STXBP6: variants seen among roughly 807,000 people sequenced by gnomAD.
The protein encoded by STXBP6 is syntaxin-binding protein 6.
STXBP6 carries 21 observed loss-of-function variants against 26.9 expected under a neutral mutation model. The ratio of observed to expected loss-of-function variants is 0.78; its 90% CI spans 0.55 to 1.12. STXBP6 has a LOEUF of 1.12. STXBP6 is among the 50% of genes most tolerant of loss of function. The pLI is 0.00. For synonymous variants in STXBP6, 97 were observed against 92.6 expected (o/e 1.05, Z -0.27); for missense variants, 232 against 257.9 (o/e 0.90, Z 0.69).
intron 1 of STXBP6, among the ~76,000 whole-genome samples, chr14:25,024,253 G>A (rs1333938439): frequency 1.3e-5 from 2 of 151,876 alleles, no homozygotes; most frequent in Middle Eastern, 3.4e-3. Flanking sequence ...AGGTTGCAGT[G>A]AGCCGAGATT....
chr14:24,943,797 A>C (rs2072886318), intron 2 of STXBP6, among the ~76,000 whole-genome samples: 1 of 152,236 alleles, frequency 6.6e-6, no homozygotes, highest in Admixed American at 6.5e-5. Flanking sequence ...TAAATCACTA[A>C]AAATTTTGAA....
At chr14:24,830,067 A>C (rs1352017004) in intron 4 of STXBP6, among the ~76,000 whole-genome samples, 2 of 152,070 alleles carry the variant, frequency 1.3e-5, no homozygotes, top group Admixed American at 6.6e-5. Context: ...AAGATTTGAA[A>C]GGGGAAAACC....
chr14:24,959,922 CAG>C (rs1323408538), intron 2 of STXBP6, among the ~76,000 whole-genome samples: 2 of 152,206 alleles, frequency 1.3e-5, no homozygotes, highest in Non-Finnish European at 2.9e-5. Context: ...GACCTCATAA[CAG>C]TGTACTAAAA....
At chr14:24,874,797 C>T (rs569204218) in intron 2 of STXBP6, among the ~76,000 whole-genome samples, 15 of 152,172 alleles carry the variant, frequency 9.9e-5, no homozygotes, top group South Asian at 4.2e-4. Context: ...CAGCACTACA[C>T]GGTGGCTCTT....
chr14:24,934,030 C>T (rs375159898), intron 2 of STXBP6, among the ~76,000 whole-genome samples: 13 of 151,612 alleles, frequency 8.6e-5, no homozygotes, highest in Non-Finnish European at 1.8e-4. Flanking sequence ...GCAGAAAATA[C>T]CAAAATTGAA....
At chr14:24,949,312 T>G (rs1315704893) in intron 2 of STXBP6, among the ~76,000 whole-genome samples, 1 of 152,142 alleles carries the variant, frequency 6.6e-6, no homozygotes, top group Non-Finnish European at 1.5e-5. Context: ...CTTCCCAAGT[T>G]TAAAGTTTTT....
chr14:24,927,515 A>T (rs2072221182), intron 2 of STXBP6, among the ~76,000 whole-genome samples: 1 of 152,254 alleles, frequency 6.6e-6, no homozygotes, highest in Non-Finnish European at 1.5e-5. Context: ...AATATCACTC[A>T]AATCTAGATT....
At chr14:24,966,016 C>A (rs2073722418) in intron 2 of STXBP6, among the ~76,000 whole-genome samples, 1 of 152,222 alleles carries the variant, frequency 6.6e-6, no homozygotes, top group African/African-American at 2.4e-5. Flanking sequence ...CTAACCACCA[C>A]TTGCTCTACC....
chr14:25,025,694 G>T (rs2075337395), intron 1 of STXBP6, among the ~76,000 whole-genome samples: 1 of 152,118 alleles, frequency 6.6e-6, no homozygotes, highest in Admixed American at 6.5e-5. Context: ...AAAATCTTTT[G>T]CAAATCTGAA....
chr14:24,953,583 C>A (rs1190788887), intron 2 of STXBP6, among the ~76,000 whole-genome samples: 1 of 152,230 alleles, frequency 6.6e-6, no homozygotes, highest in Non-Finnish European at 1.5e-5. Flanking sequence ...CAGTTTGTCA[C>A]TCGCTTTCTA....
intron 1 of STXBP6, among the ~76,000 whole-genome samples, chr14:25,010,309 G>A (rs573706445): frequency 2.7e-4 from 41 of 152,266 alleles, no homozygotes; most frequent in Admixed American, 8.5e-4. Context: ...CTTCTTCTCC[G>A]GTAAACCTAT....
intron 1 of STXBP6, among the ~76,000 whole-genome samples, chr14:24,998,987 C>T (rs2074679285): frequency 6.6e-6 from 1 of 152,050 alleles, no homozygotes; most frequent in Non-Finnish European, 1.5e-5. Context: ...AACACATATC[C>T]CTTCAAGTTA....
chr14:24,993,295 A>G (rs1338380452), intron 1 of STXBP6, among the ~76,000 whole-genome samples: 1 of 152,158 alleles, frequency 6.6e-6, no homozygotes, highest in Non-Finnish European at 1.5e-5. Flanking sequence ...CTCAGTAAAC[A>G]GCACCACTAT....
chr14:24,942,048 C>T (rs562423533), intron 2 of STXBP6, among the ~76,000 whole-genome samples: 33 of 151,906 alleles, frequency 2.2e-4, no homozygotes, highest in African/African-American at 7.2e-4. Flanking sequence ...GGTGAACTGC[C>T]GAGAAAAGAG....
At chr14:24,949,808 C>G (rs1409682320) in intron 2 of STXBP6, among the ~76,000 whole-genome samples, 3 of 152,128 alleles carry the variant, frequency 2.0e-5, no homozygotes, top group African/African-American at 7.2e-5. Context: ...TGTAACTGAG[C>G]CTCAGCCAAT....
chr14:24,867,477 T>C (rs937934510), intron 2 of STXBP6, among the ~76,000 whole-genome samples: 21 of 152,054 alleles, frequency 1.4e-4, no homozygotes, highest in African/African-American at 5.1e-4. Flanking sequence ...TGCAACAGAA[T>C]AGAGAGGCTG....
intron 1 of STXBP6, among the ~76,000 whole-genome samples, chr14:25,044,914 A>AC (rs1041409596): frequency 6.6e-6 from 1 of 152,200 alleles, no homozygotes; most frequent in Non-Finnish European, 1.5e-5. Context: ...AAAGAGTGCT[A>AC]CCCACCATTT....
intron 2 of STXBP6, among the ~76,000 whole-genome samples, chr14:24,917,375 A>G (rs538467140): frequency 1.9e-3 from 292 of 152,228 alleles, no homozygotes; most frequent in Non-Finnish European, 1.7e-3. Flanking sequence ...CTCATTGAAG[A>G]GACGGTGAGA....
chr14:24,819,744 C>A (rs1453201958), intron 4 of STXBP6, among the ~76,000 whole-genome samples: 3 of 152,180 alleles, frequency 2.0e-5, no homozygotes, highest in Non-Finnish European at 4.4e-5. Flanking sequence ...CCAAAATGTA[C>A]AGCTTCATGT....
Sources: gnomAD v4.1 joint callset for allele counts (sites outside exome capture counted in the v4.1 genomes callset) on GRCh38, gnomAD v4.1.1 for gene constraint, MANE v1.5 for transcripts, NCBI Gene and HGNC (gene_info 2026-07-23, HGNC 2026-07-21) for gene names.